The following ANKS1B variants were observed in gnomAD, a reference collection of about 807,000 sequenced individuals.
The protein encoded by ANKS1B is ankyrin repeat and sterile alpha motif domain-containing protein 1B.
In ANKS1B, 36 loss-of-function variants were observed where a neutral mutation model predicts 148.3. That is an observed-to-expected ratio of 0.24 (90% CI 0.19 to 0.32). The LOEUF is 0.32. ANKS1B is among the 10% of genes least tolerant of loss of function. The pLI, the probability that ANKS1B is intolerant of heterozygous loss-of-function variation, is 1.00. For synonymous variants in ANKS1B, 542 were observed against 560.8 expected (o/e 0.97, Z 0.47); for missense variants, 1,157 against 1,542.6 (o/e 0.75, Z 4.19).
In ANKS1B at chr12:99,041,878, C is replaced by A. The variant is rs2099959240; in HGVS notation, c.2778+11279G>T. ...ATTAGTCAGGTGTGGTGGTGTGCGC[C>A]TAGTCCCAGCTACTTGGGAGGCTGA... On this transcript the variant is annotated intron_variant, in intron 17 of 26. Coordinates refer to ENST00000683438, the MANE Select transcript of ANKS1B (RefSeq NM_001352186.2). 2.0e-5 allele frequency among the ~76,000 whole-genome samples: 3 copies of A among 151,842 alleles called. No individual in the cohort carries two copies. In the South Asian group the frequency reaches 6.2e-4, roughly 32 times the overall value.
At chr12:99,876,966 G>A (rs2092128609) in intron 1 of ANKS1B, among the ~76,000 whole-genome samples, 1 of 152,110 alleles carries the variant, frequency 6.6e-6, no homozygotes, top group Non-Finnish European at 1.5e-5. Flanking sequence ...AGTCCCAGAT[G>A]CAACCATGTT....
At chr12:99,866,238 C>G (rs1317312075) in intron 1 of ANKS1B, among the ~76,000 whole-genome samples, 1 of 152,112 alleles carries the variant, frequency 6.6e-6, no homozygotes, top group Non-Finnish European at 1.5e-5. Flanking sequence ...GCCATTTTGC[C>G]TAACTTTGTC....
At chr12:99,225,485 C>T (rs1232069394) in intron 14 of ANKS1B, among the ~76,000 whole-genome samples, 1 of 152,014 alleles carries the variant, frequency 6.6e-6, no homozygotes, top group Non-Finnish European at 1.5e-5. Context: ...TTCTGGGTGT[C>T]TCCGTGAGGG....
chr12:99,573,115 C>T (rs939622544), intron 9 of ANKS1B, among the ~76,000 whole-genome samples: 3 of 152,028 alleles, frequency 2.0e-5, no homozygotes, highest in Non-Finnish European at 4.4e-5. Flanking sequence ...CTAGTGGAGT[C>T]TCAGTCAGAT....
intron 17 of ANKS1B, among the ~76,000 whole-genome samples, chr12:99,033,097 C>T (rs867101462): frequency 6.6e-5 from 10 of 152,138 alleles, no homozygotes; most frequent in South Asian, 2.1e-4. Flanking sequence ...GTTTTTAACC[C>T]TGTTACACAT....
intron 9 of ANKS1B, among the ~76,000 whole-genome samples, chr12:99,548,396 G>A (rs2097189682): frequency 6.6e-6 from 1 of 152,048 alleles, no homozygotes; most frequent in Non-Finnish European, 1.5e-5. Context: ...CACATTAGGT[G>A]CTCAATAAGT....
chr12:99,547,070 G>C (rs1472488133), intron 9 of ANKS1B, among the ~76,000 whole-genome samples: 1 of 152,192 alleles, frequency 6.6e-6, no homozygotes, highest in East Asian at 1.9e-4. Flanking sequence ...CCCAGTAAGT[G>C]TGGCCTTGGG....
intron 9 of ANKS1B, among the ~76,000 whole-genome samples, chr12:99,560,840 C>CTT (rs58588885): frequency 0.01 from 730 of 71,838 alleles, 1 homozygote; most frequent in East Asian, 0.026. Context: ...TTTCTTTTTT[C>CTT]TTTTTTTTTT....
intron 9 of ANKS1B, among the ~76,000 whole-genome samples, chr12:99,551,968 A>G (rs2097223123): frequency 6.6e-6 from 1 of 152,056 alleles, no homozygotes; most frequent in Admixed American, 6.6e-5. Flanking sequence ...CATCTGAAAC[A>G]CTGTTCCAAT....
intron 1 of ANKS1B, 100 bp downstream of exon 1, chr12:99,984,004 G>A (rs1165766748): frequency 1.9e-6 from 2 of 1,058,130 alleles, no homozygotes; most frequent in Non-Finnish European, 1.4e-6. Flanking sequence ...AGAATGAATC[G>A]CTGGCAGCCA....
chr12:99,938,019 C>A (rs183388344), intron 1 of ANKS1B, among the ~76,000 whole-genome samples: 1 of 152,276 alleles, frequency 6.6e-6, no homozygotes, highest in East Asian at 1.9e-4. Context: ...AGTTTCCATG[C>A]ACCATTGTGA....
intron 8 of ANKS1B, among the ~76,000 whole-genome samples, chr12:99,749,198 T>C (rs540180614): frequency 3.9e-5 from 6 of 152,240 alleles, no homozygotes; most frequent in East Asian, 1.9e-4. Flanking sequence ...CCGGGGCTAA[T>C]TAATCAATAC....
chr12:99,363,265 G>A (rs1360889674), intron 12 of ANKS1B, among the ~76,000 whole-genome samples: 1 of 151,990 alleles, frequency 6.6e-6, no homozygotes, highest in African/African-American at 2.4e-5. Context: ...AGGCAGTAAA[G>A]GAAGGGAGAA....
intron 9 of ANKS1B, among the ~76,000 whole-genome samples, chr12:99,534,931 G>A (rs1183811225): frequency 6.6e-6 from 1 of 151,708 alleles, no homozygotes; most frequent in Admixed American, 6.6e-5. Context: ...GGATGGTCTC[G>A]ATCTCCTGAC....
At chr12:99,861,316 A>C (rs1379003900) in intron 1 of ANKS1B, among the ~76,000 whole-genome samples, 1 of 152,238 alleles carries the variant, frequency 6.6e-6, no homozygotes, top group East Asian at 1.9e-4. Flanking sequence ...ACATGAAATA[A>C]GAGAAGAAAA....
chr12:99,635,578 G>C (rs1458028204), intron 9 of ANKS1B, among the ~76,000 whole-genome samples: 1 of 152,060 alleles, frequency 6.6e-6, no homozygotes, highest in African/African-American at 2.4e-5. Flanking sequence ...AAAGTAGAAT[G>C]GTGGTTGCCA....
Position 99,766,123 on chromosome 12 carries a change from TG to T in ANKS1B, c.1128+6798del, listed in dbSNP as rs1156698310. ...CATTTTGCAATGATAATGGTTCATTTGCAAGAACATATACACTTTTATATGC... is the reference window on the plus strand; with the variant it reads ...CATTTTGCAATGATAATGGTTCATTTCAAGAACATATACACTTTTATATGC... On this transcript the variant is annotated intron_variant, in intron 8 of 26. Coordinates refer to ENST00000683438, the MANE Select transcript of ANKS1B (RefSeq NM_001352186.2). 5.3e-5 allele frequency among the ~76,000 whole-genome samples: 8 copies of T among 152,328 alleles called. No homozygotes were observed. In the East Asian group the frequency reaches 1.5e-3, roughly 29 times the overall value.
At chr12:99,434,613 T>C (rs1485879862) in intron 11 of ANKS1B, among the ~76,000 whole-genome samples, 1 of 152,184 alleles carries the variant, frequency 6.6e-6, no homozygotes, top group Non-Finnish European at 1.5e-5. Flanking sequence ...CTCATGTGAT[T>C]TGAAAATACT....
chr12:99,037,934 G>A (rs2099956540), intron 17 of ANKS1B, among the ~76,000 whole-genome samples: 2 of 152,142 alleles, frequency 1.3e-5, no homozygotes, highest in Admixed American at 6.5e-5. Flanking sequence ...CTGAGGACAC[G>A]TTGCCTGGTG....
Sources: gnomAD v4.1 joint callset for allele counts (sites outside exome capture counted in the v4.1 genomes callset) on GRCh38, gnomAD v4.1.1 for gene constraint, MANE v1.5 for transcripts, NCBI Gene and HGNC (gene_info 2026-07-23, HGNC 2026-07-21) for gene names.